Variants in TAFA1 observed in about 807,000 individuals in gnomAD.
TAFA1 encodes the protein chemokine-like protein TAFA-1.
TAFA1 carries 4 observed loss-of-function variants against 18.5 expected under a neutral mutation model. The ratio of observed to expected loss-of-function variants is 0.22; its 90% CI spans 0.11 to 0.49. TAFA1 has a LOEUF of 0.49. TAFA1 is among the 20% of genes least tolerant of loss of function. The pLI is 0.98. For synonymous variants in TAFA1, 56 were observed against 55.2 expected (o/e 1.01, Z -0.06); for missense variants, 147 against 169.0 (o/e 0.87, Z 0.72).
chr3:68,235,651 A>G (rs1009693642), intron 2 of TAFA1, among the ~76,000 whole-genome samples: 31 of 152,004 alleles, frequency 2.0e-4, no homozygotes, highest in African/African-American at 5.1e-4. Context: ...ATCCTACCCA[A>G]TGCTCTGTAG....
At chr3:68,417,250 T>A (rs2070856852) in intron 2 of TAFA1, 30 bp from the exon 3 acceptor site, 1 of 1,607,810 alleles carries the variant, frequency 6.2e-7, no homozygotes, top group Non-Finnish European at 8.5e-7. Context: ...TTATTTCTAA[T>A]CAGTGTCCCT....
At chr3:68,159,393 A>G (rs1056434983) in intron 2 of TAFA1, among the ~76,000 whole-genome samples, 1 of 152,166 alleles carries the variant, frequency 6.6e-6, no homozygotes, top group Non-Finnish European at 1.5e-5. Flanking sequence ...TTAACGGGAG[A>G]CTTTGAGAGG....
intron 2 of TAFA1, among the ~76,000 whole-genome samples, chr3:68,339,303 A>G (rs1156771903): frequency 2.0e-5 from 3 of 152,242 alleles, no homozygotes; most frequent in Non-Finnish European, 4.4e-5. Context: ...TTTATGTCTC[A>G]TTAAAGTTAT....
intron 3 of TAFA1, among the ~76,000 whole-genome samples, chr3:68,487,379 A>T (rs1428904118): frequency 1.3e-5 from 2 of 152,236 alleles, no homozygotes; most frequent in Non-Finnish European, 2.9e-5. Context: ...CAAGTTAATT[A>T]TGTTTTATGA....
chr3:68,359,872 C>A (rs758787875), intron 2 of TAFA1, among the ~76,000 whole-genome samples: 6 of 151,894 alleles, frequency 4.0e-5, no homozygotes, highest in Non-Finnish European at 8.8e-5. Flanking sequence ...GGAAGCATTT[C>A]GTAGAATCTA....
intron 3 of TAFA1, among the ~76,000 whole-genome samples, chr3:68,473,730 A>C (rs2072042116): frequency 6.6e-6 from 1 of 152,178 alleles, no homozygotes; most frequent in Non-Finnish European, 1.5e-5. Context: ...CCAAGTCTTG[A>C]TCACTTGGCT....
chr3:68,398,203 G>A (rs544161097), intron 2 of TAFA1, among the ~76,000 whole-genome samples: 95 of 152,220 alleles, frequency 6.2e-4, no homozygotes, highest in African/African-American at 2.2e-3. Flanking sequence ...AAACAGCATG[G>A]TACTGGTACC....
At chr3:68,425,593 G>A (rs576866372) in intron 3 of TAFA1, among the ~76,000 whole-genome samples, 3 of 152,032 alleles carry the variant, frequency 2.0e-5, no homozygotes, top group South Asian at 2.1e-4. Context: ...ATGCAAGTCT[G>A]CATTCATAAG....
At chr3:68,138,155 T>C (rs2065629846) in intron 2 of TAFA1, among the ~76,000 whole-genome samples, 1 of 152,222 alleles carries the variant, frequency 6.6e-6, no homozygotes, top group African/African-American at 2.4e-5. Context: ...AGACATTTGC[T>C]GCTCAGTGAA....
chr3:68,500,325 T>C (rs1403673724), intron 3 of TAFA1, among the ~76,000 whole-genome samples: 1 of 152,142 alleles, frequency 6.6e-6, no homozygotes, highest in Non-Finnish European at 1.5e-5. Context: ...TAAAATACAA[T>C]AAAAATGAAT....
intron 3 of TAFA1, among the ~76,000 whole-genome samples, chr3:68,437,771 G>T (rs1308334779): frequency 2.0e-5 from 3 of 152,078 alleles, no homozygotes; most frequent in African/African-American, 7.2e-5. Flanking sequence ...AGTTTTGGAG[G>T]GTACAAATTT....
intron 2 of TAFA1, among the ~76,000 whole-genome samples, chr3:68,242,281 A>G (rs1032409544): frequency 1.3e-5 from 2 of 152,146 alleles, no homozygotes; most frequent in Admixed American, 6.5e-5. Flanking sequence ...CTTCCAGTCT[A>G]TTACATACAC....
At position 68,079,908 on chromosome 3, in the gene TAFA1, TG is replaced by T. The variant is rs1411735844; in HGVS notation, c.118+73168del. ...CCGTTGATCTGTCTAATGTTGACAG[TG>T]GGGTGTTAAAGTCTCCCATTATTAA... On this transcript the variant is annotated intron_variant, in intron 2 of 4. Transcript: ENST00000478136. Among the ~76,000 whole-genome samples the T allele has an allele frequency of 4.6e-4, 70 of 152,172 alleles. No individual in the cohort carries two copies. The South Asian group carries it at 0.011, about 23-fold the overall frequency.
chr3:68,223,216 C>G (rs1329387096), intron 2 of TAFA1, among the ~76,000 whole-genome samples: 5 of 152,160 alleles, frequency 3.3e-5, no homozygotes, highest in Non-Finnish European at 5.9e-5. Context: ...TTCCAACATA[C>G]TTAAGGTTGA....
chr3:68,193,505 A>C (rs2066374412), intron 2 of TAFA1, among the ~76,000 whole-genome samples: 1 of 151,748 alleles, frequency 6.6e-6, no homozygotes. Flanking sequence ...TCCCCTTTTC[A>C]TGTATTGATA....
chr3:68,424,610 C>T (rs2071019411), intron 3 of TAFA1, among the ~76,000 whole-genome samples: 1 of 151,794 alleles, frequency 6.6e-6, no homozygotes, highest in Non-Finnish European at 1.5e-5. Flanking sequence ...GACCACATAC[C>T]ATCATATTTC....
chr3:68,318,720 A>G (rs1392497936), intron 2 of TAFA1, among the ~76,000 whole-genome samples: 1 of 152,246 alleles, frequency 6.6e-6, no homozygotes, highest in African/African-American at 2.4e-5. Flanking sequence ...AAGTTACATG[A>G]AAACATGAAA....
intron 2 of TAFA1, among the ~76,000 whole-genome samples, chr3:68,175,487 G>T (rs992266302): frequency 2.0e-5 from 3 of 152,214 alleles, no homozygotes; most frequent in Admixed American, 1.3e-4. Flanking sequence ...ACCTGCATGT[G>T]AGACATGGAT....
chr3:68,066,651 C>A (rs759313832), intron 2 of TAFA1, among the ~76,000 whole-genome samples: 42 of 152,074 alleles, frequency 2.8e-4, no homozygotes, highest in Non-Finnish European at 5.3e-4. Flanking sequence ...GTAGATTAGC[C>A]AAATATTTCA....
Sources: gnomAD v4.1 joint callset for allele counts (sites outside exome capture counted in the v4.1 genomes callset) on GRCh38, gnomAD v4.1.1 for gene constraint, MANE v1.5 for transcripts, NCBI Gene and HGNC (gene_info 2026-07-23, HGNC 2026-07-21) for gene names.